RXFP1: variants seen among roughly 807,000 people sequenced by gnomAD.
RXFP1 encodes relaxin family peptide receptor 1.
A neutral mutation model predicts 89.8 loss-of-function variants in RXFP1; 73 were observed. The ratio of observed to expected loss-of-function variants is 0.81; its 90% CI spans 0.67 to 0.99. The LOEUF (loss-of-function observed/expected upper bound fraction) is 0.99, where lower values mean the gene tolerates loss of function less well. Ranked by LOEUF, RXFP1 falls within the 50% of genes least tolerant of loss-of-function variation. RXFP1 has a pLI of 0.00. For synonymous variants in RXFP1, 277 were observed against 305.5 expected, an observed-to-expected ratio of 0.91 and a Z score of 0.97; for missense variants, 793 against 895.5, an observed-to-expected ratio of 0.89 and a Z score of 1.46.
chr4:158,588,249 C>G (rs1758688334), intron 2 of RXFP1, among the ~76,000 whole-genome samples: 1 of 152,118 alleles, frequency 6.6e-6, no homozygotes, highest in Admixed American at 6.5e-5. Context: ...TGAGATTCCA[C>G]TTGAGCTCCC....
At chr4:158,628,497 A>G (rs186524308) in intron 10 of RXFP1, 141 bp from the exon 11 acceptor site, 2 of 403,558 alleles carry the variant, frequency 5.0e-6, no homozygotes, top group Non-Finnish European at 9.1e-6. Context: ...TAAATTGGAT[A>G]ATTTATACTA....
chr4:158,577,997 A>G (rs1329884250), intron 2 of RXFP1, among the ~76,000 whole-genome samples: 2 of 152,214 alleles, frequency 1.3e-5, no homozygotes, highest in Non-Finnish European at 2.9e-5. Context: ...TTTTGTGAAC[A>G]CAATGCAAGC....
chr4:158,548,328 G>T (rs1365885461), intron 1 of RXFP1, among the ~76,000 whole-genome samples: 4 of 151,760 alleles, frequency 2.6e-5, no homozygotes, highest in South Asian at 2.1e-4. Context: ...TCCCTTTATT[G>T]TGAGCCTATG....
chr4:158,648,833 C>G (rs1772069622), intron 17 of RXFP1, 116 bp downstream of exon 17: 1 of 688,914 alleles, frequency 1.5e-6, no homozygotes, highest in Non-Finnish European at 2.3e-6. Context: ...TACATCAGAT[C>G]CGAGCACAGT....
Position 158,612,312 on chromosome 4 carries a change from C to G in RXFP1, c.630C>G (p.Leu210=), listed in dbSNP as rs1202093036. 1.2e-6 allele frequency: 2 copies of G among 1,612,214 alleles called. No homozygotes were observed. Among genetic ancestry groups the G allele is most frequent in the African/African-American group, 2.7e-5 (2 of 74,862 alleles). The change falls in exon 8 of 18, where the codon CTC becomes CTG. Residue 210 remains leucine, a synonymous_variant. Transcript: ENST00000307765. ...LEWLIIEDNH[L]SRISPPTFYG... ...TCAGGATAATTGAAGATAATCACCTCAGTCGAATTTCCCCACCAACATTTT... is the reference window on the plus strand; with the variant it reads ...TCAGGATAATTGAAGATAATCACCTGAGTCGAATTTCCCCACCAACATTTT...
intron 1 of RXFP1, among the ~76,000 whole-genome samples, chr4:158,537,771 A>G (rs1170453142): frequency 6.6e-6 from 1 of 152,250 alleles, no homozygotes; most frequent in African/African-American, 2.4e-5. Flanking sequence ...TATTTAAATA[A>G]CAAAAAGTAA....
intron 5 of RXFP1, chr4:158,607,036 A>G (rs778819859): frequency 1.6e-5 from 25 of 1,524,848 alleles, no homozygotes; most frequent in South Asian, 1.2e-4. Flanking sequence ...CAAATTGCAT[A>G]TAAACTTTCA....
intron 4 of RXFP1, among the ~76,000 whole-genome samples, chr4:158,602,420 T>A (rs1761856671): frequency 6.6e-6 from 1 of 152,154 alleles, no homozygotes; most frequent in African/African-American, 2.4e-5. Context: ...ATACTAAACA[T>A]TCTTGCTTGT....
chr4:158,581,938 G>A (rs922465669), intron 2 of RXFP1, among the ~76,000 whole-genome samples: 37 of 152,214 alleles, frequency 2.4e-4, no homozygotes, highest in Admixed American at 2.4e-3. Context: ...GCCAGTGTGT[G>A]CAAAGATTAC....
At chr4:158,557,969 T>TC (rs1459681677) in intron 1 of RXFP1, among the ~76,000 whole-genome samples, 1 of 152,178 alleles carries the variant, frequency 6.6e-6, no homozygotes, top group Non-Finnish European at 1.5e-5. Context: ...ATAGATATAT[T>TC]CAGATATATT....
At chr4:158,590,842 T>C (rs1195294513) in intron 2 of RXFP1, among the ~76,000 whole-genome samples, 2 of 152,170 alleles carry the variant, frequency 1.3e-5, no homozygotes, top group Non-Finnish European at 2.9e-5. Context: ...GAAAAAAATA[T>C]ATTTTATACA....
chr4:158,607,143 T>G, intron 5 of RXFP1: 2 of 1,530,064 alleles, frequency 1.3e-6, no homozygotes, highest in African/African-American at 1.4e-5. Context: ...CAAGTACACA[T>G]AGAAGTGCAA....
chr4:158,647,261 T>C (rs1012602797), intron 16 of RXFP1, 60 bp downstream of exon 16: 25 of 1,365,060 alleles, frequency 1.8e-5, no homozygotes, highest in Non-Finnish European at 1.5e-5. Context: ...AACCAGTTTT[T>C]GTTAGTAAGA....
chr4:158,650,348 C>A (rs931584956), intron 17 of RXFP1, among the ~76,000 whole-genome samples: 1 of 151,410 alleles, frequency 6.6e-6, no homozygotes, highest in African/African-American at 2.4e-5. Flanking sequence ...ACTGAGCTGT[C>A]CACTTAAAAT....
At chr4:158,642,715 G>A (rs963679174) in intron 14 of RXFP1, among the ~76,000 whole-genome samples, 2 of 152,012 alleles carry the variant, frequency 1.3e-5, no homozygotes, top group Non-Finnish European at 2.9e-5. Context: ...TCCATATCTT[G>A]GCTATTGTGA....
intron 1 of RXFP1, among the ~76,000 whole-genome samples, chr4:158,568,359 C>A (rs556173213): frequency 6.6e-5 from 10 of 152,306 alleles, no homozygotes; most frequent in African/African-American, 2.2e-4. Context: ...AGATAATATT[C>A]AGAAAAGTTA....
chr4:158,545,319 G>C (rs1483444580), intron 1 of RXFP1, among the ~76,000 whole-genome samples: 4 of 152,000 alleles, frequency 2.6e-5, no homozygotes, highest in African/African-American at 9.7e-5. Flanking sequence ...TTGTAAATTT[G>C]TTTGACTTCA....
intron 14 of RXFP1, among the ~76,000 whole-genome samples, chr4:158,641,136 T>C (rs1770294701): frequency 6.6e-6 from 1 of 152,226 alleles, no homozygotes; most frequent in African/African-American, 2.4e-5. Flanking sequence ...CTCAGAAAGA[T>C]GGCTTATAAA....
At chr4:158,558,395 A>G (rs1335178723) in intron 1 of RXFP1, among the ~76,000 whole-genome samples, 1 of 152,230 alleles carries the variant, frequency 6.6e-6, no homozygotes, top group Non-Finnish European at 1.5e-5. Context: ...ACAGTCATCT[A>G]AACAGAGATT....
Sources: gnomAD v4.1 joint callset for allele counts (sites outside exome capture counted in the v4.1 genomes callset) on GRCh38, gnomAD v4.1.1 for gene constraint, MANE v1.5 for transcripts, NCBI Gene and HGNC (gene_info 2026-07-23, HGNC 2026-07-21) for gene names.